KLF16: variants seen among roughly 807,000 people sequenced by gnomAD.
KLF16 encodes Krueppel-like factor 16.
A neutral mutation model predicts 6.1 loss-of-function variants in KLF16; 6 were observed. That is an observed-to-expected ratio of 0.98 (90% CI 0.54 to 1.93). The LOEUF is 1.93. Among genes scored for constraint, KLF16 ranks in the 30% most tolerant of loss-of-function variants. The pLI is 0.01. For synonymous variants in KLF16, 211 were observed against 176.5 expected (o/e 1.20, Z -1.55); for missense variants, 355 against 363.8 (o/e 0.98, Z 0.20).
chr19:1,869,930 CTTT>C, the KLF16 span, among the ~76,000 whole-genome samples: 3 of 109,720 alleles, frequency 2.7e-5, no homozygotes, highest in Admixed American at 1.0e-4. Context: ...AATACTTTTT[CTTT>C]TTTTTTTTTT....
At chr19:1,875,857 A>G in the KLF16 span, 1 of 152,378 alleles carries the variant, frequency 6.6e-6, no homozygotes, top group Non-Finnish European at 1.5e-5. Flanking sequence ...TGCGGTCGCA[A>G]AGCCCTGGCC....
At chr19:1,872,514 G>A in the KLF16 span, among the ~76,000 whole-genome samples, 5 of 152,182 alleles carry the variant, frequency 3.3e-5, no homozygotes, top group Non-Finnish European at 7.4e-5. Flanking sequence ...TTCCCTCCGT[G>A]AGGCTATTGG....
chr19:1,865,732 C>T (rs2012177764), upstream of KLF16, among the ~76,000 whole-genome samples: 1 of 152,174 alleles, frequency 6.6e-6, no homozygotes, highest in Admixed American at 6.5e-5. Context: ...CAGCCCACAC[C>T]CCACCCATGA....
intron 1 of KLF16, 141 bp from the exon 2 acceptor site, chr19:1,854,901 G>A (rs2011916846): frequency 1.1e-6 from 1 of 871,986 alleles, no homozygotes; most frequent in African/African-American, 1.8e-5. Context: ...TTCAAAACAT[G>A]GAGAAGCACA....
Position 1,857,629 on chromosome 19 carries a change from G to A in KLF16, c.458-2869C>T, listed in dbSNP as rs1000965240. ...TGCCAAGGGCCCTGGTTCCGACAGGGAAGCCTCACCTCCTGAGCTTGTCTG... is the reference window on the plus strand; with the variant it reads ...TGCCAAGGGCCCTGGTTCCGACAGGAAAGCCTCACCTCCTGAGCTTGTCTG... On this transcript the variant is annotated intron_variant, in intron 1 of 1. Coordinates refer to ENST00000250916, the MANE Select transcript of KLF16 (RefSeq NM_031918.4). This position sits in a 1 kb window ranked among gnomAD's most constrained non-coding sequence, Gnocchi z 4.7. Among the ~76,000 whole-genome samples, 1 of 151,922 alleles carries A rather than the reference G, an allele frequency of 6.6e-6. No homozygotes were observed. The highest frequency in any genetic ancestry group is 1.5e-5 in the Non-Finnish European group (1 of 67,944).
the KLF16 span, among the ~76,000 whole-genome samples, chr19:1,873,679 C>G: frequency 2.0e-5 from 3 of 152,256 alleles, no homozygotes; most frequent in African/African-American, 7.2e-5. Flanking sequence ...TGGCCTGGCC[C>G]CGGGCCATAC....
At position 1,857,745 on chromosome 19, in the gene KLF16, G is replaced by C. The variant is rs921707859; in HGVS notation, c.458-2985C>G. Among the ~76,000 whole-genome samples the C allele has an allele frequency of 6.6e-6, 1 of 152,118 alleles. No homozygotes were observed. Among genetic ancestry groups the C allele is most frequent in the African/African-American group, 2.4e-5 (1 of 41,422 alleles). On this transcript the variant is annotated intron_variant, in intron 1 of 1. Transcript: ENST00000250916. The surrounding 1 kb of genome is among the most constrained non-coding windows in gnomAD (Gnocchi z 4.7). ...CAGGTGGGGTCGGGTCTGTAGGGGA[G>C]GGCACAGGTGGGGAAGACCAGCCCC...
upstream of KLF16, among the ~76,000 whole-genome samples, chr19:1,865,720 C>T (rs544661657): frequency 1.4e-3 from 219 of 152,172 alleles, no homozygotes; most frequent in Non-Finnish European, 2.9e-3. Flanking sequence ...GGTGAGGGCA[C>T]ACAGCCCACA....
upstream of KLF16, among the ~76,000 whole-genome samples, chr19:1,867,414 C>T (rs2012204896): frequency 6.6e-6 from 1 of 152,202 alleles, no homozygotes; most frequent in Non-Finnish European, 1.5e-5. Flanking sequence ...GCATAAAAAA[C>T]AAATTCAAAA....
chr19:1,855,522 G>A (rs981809013), intron 1 of KLF16, among the ~76,000 whole-genome samples: 3 of 152,134 alleles, frequency 2.0e-5, no homozygotes, highest in South Asian at 2.1e-4. Context: ...GCCACCACCC[G>A]GCCACTTCCT....
At chr19:1,870,405 C>G in the KLF16 span, among the ~76,000 whole-genome samples, 1 of 151,962 alleles carries the variant, frequency 6.6e-6, no homozygotes, top group Non-Finnish European at 1.5e-5. Context: ...GGGATGGTGG[C>G]TCATGACTGT....
At chr19:1,863,627 C>A, upstream of KLF16, 1 of 231,978 alleles carries the variant, frequency 4.3e-6, no homozygotes, top group Non-Finnish European at 6.8e-6. Flanking sequence ...GCGCCGCCGC[C>A]GACGCCCGCG....
chr19:1,857,080 G>A lies in KLF16; in HGVS notation c.458-2320C>T, dbSNP rs2011968493. On this transcript the variant is annotated intron_variant, in intron 1 of 1. Transcript: ENST00000250916. This position sits in a 1 kb window ranked among gnomAD's most constrained non-coding sequence, Gnocchi z 4.7. ...CCGCTCACGTGGTCCCACTCCCGCC[G>A]GGGCCAGGGGGCCCGGGCCAGGGTC... is the stretch of plus-strand genomic sequence containing the variant. Among the ~76,000 whole-genome samples the A allele has an allele frequency of 6.6e-6, 1 of 151,744 alleles. No individual in the cohort carries two copies. The highest frequency in any genetic ancestry group is 1.5e-5 in the Non-Finnish European group (1 of 67,942).
At chr19:1,871,301 C>T in the KLF16 span, among the ~76,000 whole-genome samples, 4 of 152,184 alleles carry the variant, frequency 2.6e-5, no homozygotes, top group Non-Finnish European at 5.9e-5. Flanking sequence ...AAGCCACCTC[C>T]GGACAGGCCT....
At chr19:1,869,155 T>G in the KLF16 span, among the ~76,000 whole-genome samples, 3 of 152,076 alleles carry the variant, frequency 2.0e-5, no homozygotes, top group Non-Finnish European at 4.4e-5. Context: ...AGCCCGGGGT[T>G]TCACTGTCAG....
the KLF16 span, chr19:1,874,762 A>C: frequency 5.4e-5 from 8 of 148,686 alleles, no homozygotes; most frequent in Admixed American, 2.7e-4. Flanking sequence ...AAAAAAAAAA[A>C]AAAAAAAAAA....
the KLF16 span, among the ~76,000 whole-genome samples, chr19:1,869,930 CTTTTTTT>C: frequency 7.3e-5 from 8 of 109,728 alleles, no homozygotes; most frequent in South Asian, 5.9e-4. Context: ...AATACTTTTT[CTTTTTTT>C]TTTTTTTTTT....
chr19:1,863,458 C>A lies in KLF16; in HGVS notation c.40G>T (p.Asp14Tyr). Reference sequence around the variant, plus strand: ...CCCGAAGAGATGGCCATGAGCACGTCGGCGGCGAAGTAATCCACGCACGCC... The same window carrying A: ...CCCGAAGAGATGGCCATGAGCACGTAGGCGGCGAAGTAATCCACGCACGCC... Reference protein sequence around the residue: ...AVACVDYFAADVLMAISSGAV... With the variant: ...AVACVDYFAAYVLMAISSGAV... Residue 14 changes from aspartate to tyrosine, a missense_variant, in exon 1 of 2, where the codon GAC becomes TAC. Asp to Tyr is a radical substitution (Grantham distance 160). Coordinates refer to ENST00000250916, the MANE Select transcript of KLF16 (RefSeq NM_031918.4). 1 of 1,049,040 alleles carries A rather than the reference C, an allele frequency of 9.5e-7. No homozygotes were observed. The highest frequency in any genetic ancestry group is 1.2e-6 in the Non-Finnish European group (1 of 866,892). 65.0% of individuals were successfully genotyped at this position (1,049,040 alleles called of 1,614,324 possible).
chr19:1,860,932 C>A (rs1295510800), intron 1 of KLF16, among the ~76,000 whole-genome samples: 1 of 152,012 alleles, frequency 6.6e-6, no homozygotes, highest in African/African-American at 2.4e-5. Flanking sequence ...GTAAAGGGGG[C>A]TTTGGAATGG....
Sources: gnomAD v4.1 joint callset for allele counts (sites outside exome capture counted in the v4.1 genomes callset) on GRCh38, gnomAD v4.1.1 for gene constraint, Gnocchi (gnomAD v3.1) non-coding constraint, MANE v1.5 for transcripts, NCBI Gene and HGNC (gene_info 2026-07-23, HGNC 2026-07-21) for gene names.